The following ATXN10 variants were observed in gnomAD, a reference collection of about 807,000 sequenced individuals.
The protein encoded by ATXN10 is ataxin 10, also known as ataxin-10.
A neutral mutation model predicts 52.9 loss-of-function variants in ATXN10; 28 were observed. The ratio of observed to expected loss-of-function variants is 0.53; its 90% CI spans 0.39 to 0.73. The LOEUF (loss-of-function observed/expected upper bound fraction) is 0.73, where lower values mean the gene tolerates loss of function less well. ATXN10 is among the 30% of genes least tolerant of loss of function. The pLI is 0.00. For synonymous variants in ATXN10, 226 were observed against 221.5 expected (o/e 1.02, Z -0.18); for missense variants, 565 against 577.0 (o/e 0.98, Z 0.21).
At chr22:45,731,160 C>G (rs535194069) in intron 7 of ATXN10, among the ~76,000 whole-genome samples, 5 of 152,302 alleles carry the variant, frequency 3.3e-5, no homozygotes, top group African/African-American at 1.2e-4. Flanking sequence ...GACCACTCAG[C>G]TGTAAAAAGG....
At chr22:45,729,294 T>C in intron 6 of ATXN10, 131 bp from the exon 7 acceptor site, 1 of 885,024 alleles carries the variant, frequency 1.1e-6, no homozygotes. Context: ...ATGTTTTTCC[T>C]AGCTAGACAT....
In ATXN10 at chr22:45,759,667, G is replaced by C. The variant is rs954494112; in HGVS notation, c.1173+19129G>C. Among the ~76,000 whole-genome samples the C allele has an allele frequency of 1.3e-5, 2 of 152,106 alleles. No individual in the cohort carries two copies. Among genetic ancestry groups the C allele is most frequent in the African/African-American group, 4.8e-5 (2 of 41,414 alleles). The stretch of plus-strand genomic sequence containing the variant: ...TGTCCTCCAGAGGCCAGTTTACCAA[G>C]CTGCATCAGCTCCTCCCTCCCAGCC... On this transcript the variant is annotated intron_variant, in intron 9 of 11. Coordinates refer to ENST00000252934, the MANE Select transcript of ATXN10 (RefSeq NM_013236.4). This position sits in a 1 kb window ranked among gnomAD's most constrained non-coding sequence, Gnocchi z 5.4.
chr22:45,722,706 C>T (rs1030745845), intron 6 of ATXN10, among the ~76,000 whole-genome samples: 2 of 151,932 alleles, frequency 1.3e-5, no homozygotes, highest in East Asian at 1.9e-4. Flanking sequence ...GCACCTCATC[C>T]GCTTGGACCC....
In ATXN10 at chr22:45,683,707, C is replaced by T. The variant is rs138547610; in HGVS notation, c.117-6005C>T. On this transcript the variant is annotated intron_variant, in intron 1 of 11. Coordinates refer to ENST00000252934, the MANE Select transcript of ATXN10 (RefSeq NM_013236.4). This position sits in a 1 kb window ranked among gnomAD's most constrained non-coding sequence, Gnocchi z 4.8. Reference sequence around the variant, plus strand: ...TCTTCCATGTAATTCCTAAATCCACCTGGAGTTACTTTTTGGGTAGTGTAA... The same window carrying T: ...TCTTCCATGTAATTCCTAAATCCACTTGGAGTTACTTTTTGGGTAGTGTAA... 1.4e-3 allele frequency among the ~76,000 whole-genome samples: 212 copies of T among 152,302 alleles called. 1 individual carries two copies. The highest frequency in any genetic ancestry group is 4.8e-3 in the African/African-American group (201 of 41,550).
intron 5 of ATXN10, among the ~76,000 whole-genome samples, chr22:45,714,334 A>G (rs1569033504): frequency 6.6e-6 from 1 of 152,202 alleles, no homozygotes; most frequent in African/African-American, 2.4e-5. Flanking sequence ...ATCATATAAA[A>G]TAAAATACAT....
At chr22:45,703,262 G>A (rs1049719699) in intron 5 of ATXN10, among the ~76,000 whole-genome samples, 1 of 152,090 alleles carries the variant, frequency 6.6e-6, no homozygotes, top group African/African-American at 2.4e-5. Flanking sequence ...ATTGCCCCCC[G>A]ATACATAATG....
chr22:45,735,142 G>C (rs1425209693), intron 7 of ATXN10, among the ~76,000 whole-genome samples: 2 of 152,066 alleles, frequency 1.3e-5, no homozygotes, highest in African/African-American at 4.8e-5. Context: ...GGCTCCCAAA[G>C]TGCTAGGATT....
Position 45,690,784 on chromosome 22 carries a change from C to T in ATXN10, c.308+881C>T, listed in dbSNP as rs915278675. 6.6e-5 allele frequency among the ~76,000 whole-genome samples: 10 copies of T among 152,262 alleles called. No individual in the cohort carries two copies. The highest frequency in any genetic ancestry group is 1.3e-4 in the Admixed American group (2 of 15,290). On this transcript the variant is annotated intron_variant, in intron 2 of 11. Coordinates refer to ENST00000252934, the MANE Select transcript of ATXN10 (RefSeq NM_013236.4). The surrounding 1 kb of genome is among the most constrained non-coding windows in gnomAD (Gnocchi z 4.5). ...GCTCTTCTTTGCTTTTACGTGTTACCGTCTCCTCCCAGAACACAGCATCTT... is the reference window on the plus strand; with the variant it reads ...GCTCTTCTTTGCTTTTACGTGTTACTGTCTCCTCCCAGAACACAGCATCTT...
chr22:45,706,289 TCTC>T (rs1269530638), intron 5 of ATXN10, among the ~76,000 whole-genome samples: 2 of 152,198 alleles, frequency 1.3e-5, no homozygotes, highest in East Asian at 1.9e-4. Flanking sequence ...ATTTGAGTCT[TCTC>T]TTTTTTCTTG....
chr22:45,738,905 A>G lies in ATXN10; in HGVS notation c.1003+66A>G, dbSNP rs970489538. ...CTTTGGCTTGTCATACTGTAATATA[A>G]ATCCAAATACAAATCCTTAATTTTC... On this transcript the variant is annotated intron_variant, in intron 8 of 11. Coordinates refer to ENST00000252934, the MANE Select transcript of ATXN10 (RefSeq NM_013236.4). 6.0e-6 allele frequency: 8 copies of G among 1,334,482 alleles called. No individual in the cohort carries two copies. In the African/African-American group the frequency reaches 1.2e-4, roughly 19 times the overall value. The allele number at this position is 1,334,482 out of a possible 1,614,324, so 82.7% of individuals were successfully genotyped here.
chr22:45,814,598 C>T (rs1032823429), intron 10 of ATXN10, among the ~76,000 whole-genome samples: 17 of 152,206 alleles, frequency 1.1e-4, no homozygotes, highest in Non-Finnish European at 2.4e-4. Flanking sequence ...TCCTGTGAAT[C>T]AGCAGTTCCA....
intron 3 of ATXN10, among the ~76,000 whole-genome samples, chr22:45,693,300 C>A (rs1306970624): frequency 6.6e-6 from 1 of 152,142 alleles, no homozygotes. Flanking sequence ...TCTGTCTGTT[C>A]CAGTTGCTAT....
At position 45,770,266 on chromosome 22, in the gene ATXN10, G is replaced by A. The variant is rs141882232; in HGVS notation, c.1173+29728G>A. On this transcript the variant is annotated intron_variant, in intron 9 of 11. Coordinates refer to ENST00000252934, the MANE Select transcript of ATXN10 (RefSeq NM_013236.4). The surrounding 1 kb of genome is among the most constrained non-coding windows in gnomAD (Gnocchi z 4.5). ...TCTTAAGCAGAGTTTTTAAAAATGTGGGTTGCATCCCAATAACGAGATACG... is the reference window on the plus strand; with the variant it reads ...TCTTAAGCAGAGTTTTTAAAAATGTAGGTTGCATCCCAATAACGAGATACG... Among the ~76,000 whole-genome samples the A allele has an allele frequency of 1.4e-3, 206 of 152,234 alleles. No homozygotes were observed. The highest frequency in any genetic ancestry group is 4.6e-3 in the African/African-American group (191 of 41,532).
chr22:45,694,693 A>T (rs1923521534), intron 3 of ATXN10, among the ~76,000 whole-genome samples: 1 of 151,884 alleles, frequency 6.6e-6, no homozygotes, highest in African/African-American at 2.4e-5. Flanking sequence ...GAGGCAGGAG[A>T]GTTGATTGAA....
intron 5 of ATXN10, among the ~76,000 whole-genome samples, chr22:45,706,094 C>G (rs994564285): frequency 6.6e-6 from 1 of 152,208 alleles, no homozygotes; most frequent in African/African-American, 2.4e-5. Context: ...CTTCCTGAAA[C>G]CGTCCCCCCA....
intron 9 of ATXN10, among the ~76,000 whole-genome samples, chr22:45,748,987 C>T (rs1051982187): frequency 6.6e-6 from 1 of 152,126 alleles, no homozygotes; most frequent in Non-Finnish European, 1.5e-5. Context: ...TCTTGTTCTA[C>T]AATAATTGAC....
In ATXN10 at chr22:45,677,775, CGTTTAGGATGGCT is replaced by C; in HGVS notation, c.116+5597_116+5609del. ...ACTTCAGTGAGAGACTACTGCATGC[CGTTTAGGATGGCT>C]ATTATCCAAAAAATGGAAAAGAACA... On this transcript the variant is annotated intron_variant, in intron 1 of 11. Transcript: ENST00000252934. This position sits in a 1 kb window ranked among gnomAD's most constrained non-coding sequence, Gnocchi z 4.1. 1 of 152,042 alleles carries C rather than the reference CGTTTAGGATGGCT, an allele frequency of 6.6e-6. No homozygotes were observed. The allele number at this position is 152,042 out of a possible 1,614,324, so 9.4% of individuals were successfully genotyped here.
chr22:45,793,528 C>T (rs1312141696), intron 9 of ATXN10: 1 of 1,235,048 alleles, frequency 8.1e-7, no homozygotes, highest in Non-Finnish European at 1.0e-6. Context: ...TTCTCTTTAA[C>T]AAATAATTCT....
chr22:45,700,253 A>G, intron 3 of ATXN10, 29 bp from the exon 4 acceptor site: 6 of 1,364,094 alleles, frequency 4.4e-6, no homozygotes, highest in Non-Finnish European at 6.2e-6. Flanking sequence ...TCATTTATTT[A>G]TTTATTTATA....
Sources: allele counts gnomAD v4.1 joint callset (sites outside exome capture counted in the v4.1 genomes callset), GRCh38; gene constraint gnomAD v4.1.1; non-coding constraint Gnocchi (gnomAD v3.1); transcripts MANE v1.5; gene names NCBI Gene and HGNC (gene_info 2026-07-23, HGNC 2026-07-21).